B4GALT5: variants seen among roughly 807,000 people sequenced by gnomAD.
B4GALT5 encodes the protein beta-1,4-galactosyltransferase 5, also known as UDP-Gal:beta-GlcNAc beta-1,4-galactosyltransferase 5.
A neutral mutation model predicts 45.0 loss-of-function variants in B4GALT5; 11 were observed. That is an observed-to-expected ratio of 0.24 (90% CI 0.15 to 0.40). The LOEUF (loss-of-function observed/expected upper bound fraction) is 0.40, where lower values mean the gene tolerates loss of function less well. Among genes scored for constraint, B4GALT5 ranks in the 10% least tolerant of loss-of-function variants. The pLI, the probability that B4GALT5 is intolerant of heterozygous loss-of-function variation, is 1.00. For missense variants in B4GALT5, 337 were observed against 500.2 expected, an observed-to-expected ratio of 0.67 and a Z score of 3.11; for synonymous variants, 185 against 182.9, an observed-to-expected ratio of 1.01 and a Z score of -0.09.
At chr20:49,655,695 G>A (rs897277675) in intron 2 of B4GALT5, among the ~76,000 whole-genome samples, 3 of 152,038 alleles carry the variant, frequency 2.0e-5, no homozygotes, top group African/African-American at 4.8e-5. Context: ...TTGGGAGGCC[G>A]AGGCAGGCAG....
intron 1 of B4GALT5, among the ~76,000 whole-genome samples, chr20:49,662,651 C>G (rs1336584984): frequency 6.6e-6 from 1 of 152,186 alleles, no homozygotes; most frequent in South Asian, 2.1e-4. Context: ...ACTGCACTAA[C>G]CTGTTCCTAA....
intron 1 of B4GALT5, among the ~76,000 whole-genome samples, chr20:49,672,120 G>C (rs1167940895): frequency 1.3e-5 from 2 of 152,062 alleles, no homozygotes; most frequent in African/African-American, 2.4e-5. Flanking sequence ...TCCACATACT[G>C]TTCTTTGGTC....
intron 1 of B4GALT5, among the ~76,000 whole-genome samples, chr20:49,695,336 T>G (rs184983247): frequency 5.7e-4 from 87 of 152,186 alleles, no homozygotes; most frequent in African/African-American, 2.0e-3. Flanking sequence ...GCCAAAAAGG[T>G]TGGAGACCAC....
chr20:49,657,051 T>A (rs1364483084), intron 1 of B4GALT5, among the ~76,000 whole-genome samples: 1 of 151,954 alleles, frequency 6.6e-6, no homozygotes, highest in Non-Finnish European at 1.5e-5. Flanking sequence ...TTTTTTTTTT[T>A]AAAGGTTTCT....
intron 2 of B4GALT5, among the ~76,000 whole-genome samples, chr20:49,654,196 G>C (rs747535685): frequency 6.6e-6 from 1 of 152,228 alleles, no homozygotes; most frequent in South Asian, 2.1e-4. Flanking sequence ...ACTAGAAGCA[G>C]GATTTTGGCA....
intron 2 of B4GALT5, among the ~76,000 whole-genome samples, chr20:49,650,302 G>C (rs1276820160): frequency 1.3e-5 from 2 of 151,952 alleles, no homozygotes; most frequent in Non-Finnish European, 2.9e-5. Context: ...CTACATCTTG[G>C]GAGGGGTGGC....
At position 49,679,930 on chromosome 20, in the gene B4GALT5, C is replaced by T. The variant is rs147055549; in HGVS notation, c.116-23228G>A. ...TACAGGACTTGGCCCCTAAGCTCAG[C>T]AATTTGTCAAATGAGTAAGTGGTAA... On this transcript the variant is annotated intron_variant, in intron 1 of 8. Transcript: ENST00000371711. 2.8e-3 allele frequency among the ~76,000 whole-genome samples: 420 copies of T among 152,294 alleles called. 4 individuals carry two copies. Among genetic ancestry groups the T allele is most frequent in the African/African-American group, 9.6e-3 (397 of 41,562 alleles).
chr20:49,692,869 C>T (rs935127360), intron 1 of B4GALT5, among the ~76,000 whole-genome samples: 1 of 152,186 alleles, frequency 6.6e-6, no homozygotes, highest in African/African-American at 2.4e-5. Flanking sequence ...CCTGTTGTAT[C>T]TTACACAGTC....
chr20:49,661,657 G>T (rs1330006872), intron 1 of B4GALT5, among the ~76,000 whole-genome samples: 1 of 152,186 alleles, frequency 6.6e-6, no homozygotes, highest in Non-Finnish European at 1.5e-5. Context: ...CAGTTTCAAC[G>T]AGTCTCTACT....
At position 49,713,666 on chromosome 20, in the gene B4GALT5, G is replaced by A. The variant is rs898824441; in HGVS notation, c.25C>T (p.Arg9Trp). The change falls in exon 1 of 9, where the codon CGG (arginine) becomes TGG (tryptophan). Residue 9 changes from arginine to tryptophan, a missense_variant. Physicochemically the swap from Arg to Trp is moderately radical, Grantham distance 101 (BLOSUM62 -3). This residue lies in a region of B4GALT5 where 174 missense variants were observed against 207.4 expected (regional missense o/e 0.84). Transcript: ENST00000371711. MRARRGLLRLPRRSLLAAL... is the reference protein window; with the variant it reads MRARRGLLWLPRRSLLAAL... ...GCGAGCAGCGAGCGGCGCGGCAGCC[G>A]CAGCAGCCCCCGGCGGGCGCGCATG... is the stretch of plus-strand genomic sequence containing the variant. 2 of 1,544,104 alleles carry A rather than the reference G, an allele frequency of 1.3e-6. No homozygotes were observed. Among genetic ancestry groups the A allele is most frequent in the South Asian group, 1.2e-5 (1 of 84,480 alleles).
At chr20:49,646,308 C>A (rs536178062) in intron 3 of B4GALT5, among the ~76,000 whole-genome samples, 1 of 152,294 alleles carries the variant, frequency 6.6e-6, no homozygotes, top group Admixed American at 6.5e-5. Context: ...TGTCTCAGGC[C>A]TTCACGTTCA....
chr20:49,660,497 TA>T, intron 1 of B4GALT5, among the ~76,000 whole-genome samples: 1 of 152,224 alleles, frequency 6.6e-6, no homozygotes. Flanking sequence ...CATGGTTAGG[TA>T]ATCAATCAAT....
intron 2 of B4GALT5, among the ~76,000 whole-genome samples, chr20:49,655,928 CAAAAA>C (rs59460026): frequency 1.7e-5 from 2 of 116,068 alleles, no homozygotes; most frequent in Non-Finnish European, 1.8e-5. Flanking sequence ...AACTCCGTCT[CAAAAA>C]AAAAAAAAAA....
chr20:49,651,834 T>C (rs2123011610), intron 2 of B4GALT5, among the ~76,000 whole-genome samples: 1 of 152,160 alleles, frequency 6.6e-6, no homozygotes, highest in Admixed American at 6.5e-5. Flanking sequence ...ATCCCAGCAC[T>C]TTGGGAGGCC....
chr20:49,708,489 G>A lies in B4GALT5; in HGVS notation c.115+5087C>T, dbSNP rs538470615. The stretch of plus-strand genomic sequence containing the variant: ...TGCTCAAGGTCATTCGATCAAATCA[G>A]GTAAGATTAGAATTACTGGCTCCTG... On this transcript the variant is annotated intron_variant, in intron 1 of 8. Transcript: ENST00000371711. Among the ~76,000 whole-genome samples, 36 of 152,154 alleles carry A rather than the reference G, an allele frequency of 2.4e-4. No homozygotes were observed. In the South Asian group the frequency reaches 7.3e-3, roughly 31 times the overall value.
At chr20:49,642,014 A>G (rs1193871414) in intron 5 of B4GALT5, among the ~76,000 whole-genome samples, 2 of 152,160 alleles carry the variant, frequency 1.3e-5, no homozygotes. Flanking sequence ...TTCCCTACCA[A>G]TATTTTTAAG....
rs1473797112 is a variant in B4GALT5 at position 49,642,990 on chromosome 20, T to C, written c.490-406A>G. 3.3e-5 allele frequency among the ~76,000 whole-genome samples: 5 copies of C among 152,262 alleles called. No individual in the cohort carries two copies. The East Asian group carries it at 9.6e-4, about 29-fold the overall frequency. ...CAGCGATGGGCTGGATACTGATGTG[T>C]TCCAGATCTGCTGCATCAGCAGCAC... On this transcript the variant is annotated intron_variant, in intron 4 of 8. Transcript: ENST00000371711.
intron 1 of B4GALT5, among the ~76,000 whole-genome samples, chr20:49,659,847 G>A (rs1388566922): frequency 6.7e-6 from 1 of 148,256 alleles, no homozygotes; most frequent in African/African-American, 2.5e-5. Context: ...TCTCAGTCTT[G>A]GCTCACTGCA....
At chr20:49,645,164 G>T (rs563103537) in intron 3 of B4GALT5, among the ~76,000 whole-genome samples, 12 of 152,036 alleles carry the variant, frequency 7.9e-5, no homozygotes, top group Non-Finnish European at 1.3e-4. Context: ...ATTGCTCCCT[G>T]AAGTTGGAGA....
Sources: allele counts gnomAD v4.1 joint callset (sites outside exome capture counted in the v4.1 genomes callset), GRCh38; gene constraint gnomAD v4.1.1; regional missense constraint gnomAD v4.1.1; transcripts MANE v1.5; gene names NCBI Gene and HGNC (gene_info 2026-07-23, HGNC 2026-07-21).